The following ZBTB41 variants were observed in gnomAD, a reference collection of about 807,000 sequenced individuals.
ZBTB41 encodes the protein zinc finger and BTB domain containing 41.
A neutral mutation model predicts 87.6 loss-of-function variants in ZBTB41; 42 were observed. The observed-to-expected ratio is 0.48, with a 90% CI of 0.37 to 0.62. ZBTB41 has a LOEUF of 0.62. Among genes scored for constraint, ZBTB41 ranks in the 20% least tolerant of loss-of-function variants. The pLI is 0.00. For synonymous variants in ZBTB41, 364 were observed against 364.0 expected, an observed-to-expected ratio of 1.00 and a Z score of 0.00; for missense variants, 799 against 1,078.9, an observed-to-expected ratio of 0.74 and a Z score of 3.63.
chr1:197,168,218 C>G (rs146120830), intron 10 of ZBTB41, among the ~76,000 whole-genome samples: 55 of 151,944 alleles, frequency 3.6e-4, no homozygotes, highest in Non-Finnish European at 5.7e-4. Context: ...GATAGCTACA[C>G]TAAAAACTAC....
At chr1:197,170,196 G>A (rs964125915) in intron 10 of ZBTB41, among the ~76,000 whole-genome samples, 4 of 151,496 alleles carry the variant, frequency 2.6e-5, no homozygotes, top group African/African-American at 9.7e-5. Flanking sequence ...AGGAAATCTA[G>A]TTAAGGAAAT....
Position 197,158,171 on chromosome 1 carries a change from C to T in ZBTB41, c.*1188G>A, listed in dbSNP as rs781074124. The T allele has an allele frequency of 2.9e-3, 438 of 152,360 alleles. 2 individuals carry two copies. Among genetic ancestry groups the T allele is most frequent in the Non-Finnish European group, 3.1e-3 (212 of 67,842 alleles). The allele number at this position is 152,360 out of a possible 1,614,324, so 9.4% of individuals were successfully genotyped here. A position where few individuals can be genotyped will look rare whatever the true frequency, so the allele number is the denominator to read the frequency against. On this transcript the variant is annotated 3_prime_UTR_variant, in exon 11 of 11. Transcript: ENST00000367405. ...CTCAATTGTAATCACTGAGGTTTTG[C>T]TGTAACTGCTATTTCCTTTCACCAA...
intron 2 of ZBTB41, among the ~76,000 whole-genome samples, chr1:197,196,077 T>C (rs180789729): frequency 1.5e-4 from 23 of 152,132 alleles, no homozygotes; most frequent in Non-Finnish European, 3.2e-4. Flanking sequence ...AAGTGCTTAC[T>C]AAAAATTTAT....
At chr1:197,195,045 A>G (rs973000277) in intron 2 of ZBTB41, among the ~76,000 whole-genome samples, 7 of 152,226 alleles carry the variant, frequency 4.6e-5, no homozygotes, top group Admixed American at 1.3e-4. Context: ...CAGCACAAAC[A>G]GTAAACATCT....
intron 10 of ZBTB41, among the ~76,000 whole-genome samples, chr1:197,161,590 CA>C (rs1659199877): frequency 7.3e-6 from 1 of 137,422 alleles, no homozygotes; most frequent in Non-Finnish European, 1.6e-5. Flanking sequence ...TTACTGATGT[CA>C]TTAGAGAGGC....
chr1:197,170,314 T>C (rs369486496), intron 10 of ZBTB41, among the ~76,000 whole-genome samples: 9 of 151,862 alleles, frequency 5.9e-5, no homozygotes, highest in African/African-American at 2.2e-4. Context: ...GCTATGAGGG[T>C]AAGGATGGTT....
chr1:197,170,403 T>C (rs1177596983), intron 10 of ZBTB41, among the ~76,000 whole-genome samples: 1 of 152,028 alleles, frequency 6.6e-6, no homozygotes, highest in African/African-American at 2.4e-5. Flanking sequence ...CATTTGGCAA[T>C]TTTCCTTCTG....
At chr1:197,194,397 G>A (rs972729166) in intron 2 of ZBTB41, among the ~76,000 whole-genome samples, 2 of 152,008 alleles carry the variant, frequency 1.3e-5, no homozygotes, top group African/African-American at 4.8e-5. Flanking sequence ...TCATTTACTT[G>A]CTATGAAAAT....
chr1:197,187,186 CCT>C lies in ZBTB41; in HGVS notation c.1546+1104_1546+1105del, dbSNP rs140465462. Reference sequence around the variant, plus strand: ...TATACTCTTACCATCTGATCCAGCCCCTGTTTTCCAAGGTATTTAACCAAAGG... The same window carrying C: ...TATACTCTTACCATCTGATCCAGCCCGTTTTCCAAGGTATTTAACCAAAGG... On this transcript the variant is annotated intron_variant, in intron 5 of 10. Coordinates refer to ENST00000367405, the MANE Select transcript of ZBTB41 (RefSeq NM_194314.3). Among the ~76,000 whole-genome samples, 417 of 152,282 alleles carry C rather than the reference CCT, an allele frequency of 2.7e-3. 2 individuals carry two copies. The highest frequency in any genetic ancestry group is 9.0e-3 in the African/African-American group (376 of 41,548).
rs116148730 is a variant in ZBTB41, at chr1:197,156,297, T to A, written c.*3062A>T. On this transcript the variant is annotated 3_prime_UTR_variant, in exon 11 of 11. Transcript: ENST00000367405. ...AAGCAAGAAAGAATTTAAAGTCTTT[T>A]AAACTATTTAATACCTACTAAAAAT... 2 of 152,192 alleles carry A rather than the reference T, an allele frequency of 1.3e-5. No homozygotes were observed. Among genetic ancestry groups the A allele is most frequent in the African/African-American group, 4.8e-5 (2 of 41,414 alleles). The allele number at this position is 152,192 out of a possible 1,614,324, so 9.4% of individuals were successfully genotyped here. A position where few individuals can be genotyped will look rare whatever the true frequency, so the allele number is the denominator to read the frequency against.
In ZBTB41 at chr1:197,188,182, T is replaced by C. The variant is rs1659932115; in HGVS notation, c.1546+110A>G. 4.5e-6 allele frequency: 6 copies of C among 1,342,474 alleles called. No homozygotes were observed. The South Asian group carries it at 7.8e-5, about 18-fold the overall frequency. 83.2% of individuals were successfully genotyped at this position (1,342,474 alleles called of 1,614,324 possible). The stretch of plus-strand genomic sequence containing the variant: ...TTTTGCTGTGAACCTAAAACCACTC[T>C]TAAAAAGTCTTTTAGAAGAAAAAGA... On this transcript the variant is annotated intron_variant, in intron 5 of 10. Coordinates refer to ENST00000367405, the MANE Select transcript of ZBTB41 (RefSeq NM_194314.3).
Position 197,182,933 on chromosome 1 carries a change from C to T in ZBTB41, c.1547-1816G>A, listed in dbSNP as rs564672878. Among the ~76,000 whole-genome samples the T allele has an allele frequency of 3.5e-4, 53 of 152,126 alleles. 1 individual carries two copies. In the South Asian group the frequency reaches 8.7e-3, roughly 25 times the overall value. On this transcript the variant is annotated intron_variant, in intron 5 of 10. Coordinates refer to ENST00000367405, the MANE Select transcript of ZBTB41 (RefSeq NM_194314.3). ...GGTCTCCAGGTGCTTGTGATATATACCAAACTGCATGAAGCACTTATCTGA... is the reference window on the plus strand; with the variant it reads ...GGTCTCCAGGTGCTTGTGATATATATCAAACTGCATGAAGCACTTATCTGA...
At chr1:197,167,539 A>G (rs1430052957) in intron 10 of ZBTB41, among the ~76,000 whole-genome samples, 2 of 152,176 alleles carry the variant, frequency 1.3e-5, no homozygotes, top group Non-Finnish European at 2.9e-5. Context: ...CATGAACAGG[A>G]TAAACAAGAT....
chr1:197,198,746 C>A (rs757088411), intron 2 of ZBTB41, among the ~76,000 whole-genome samples: 1 of 152,102 alleles, frequency 6.6e-6, no homozygotes, highest in Non-Finnish European at 1.5e-5. Context: ...ATTATAACAA[C>A]CAAAGCTTCT....
At position 197,196,846 on chromosome 1, in the gene ZBTB41, C is replaced by T. The variant is rs186992376; in HGVS notation, c.1120+2508G>A. Among the ~76,000 whole-genome samples, 182 of 152,266 alleles carry T rather than the reference C, an allele frequency of 1.2e-3. 2 individuals are homozygous for T. Among genetic ancestry groups the T allele is most frequent in the Non-Finnish European group, 6.3e-4 (43 of 68,022 alleles). On this transcript the variant is annotated intron_variant, in intron 2 of 10. Transcript: ENST00000367405. ...CCTTTGCACATGCTGGTCCTTCTGT[C>T]TTGTAAACTGTTCCCTATTCTTTGA...
chr1:197,200,770 C>T (rs1652742798), intron 1 of ZBTB41, among the ~76,000 whole-genome samples, 180 bp from the exon 2 acceptor site: 1 of 152,168 alleles, frequency 6.6e-6, no homozygotes, highest in South Asian at 2.1e-4. Flanking sequence ...TTAGAAAAGG[C>T]AGCCAACAAA....
intron 10 of ZBTB41, among the ~76,000 whole-genome samples, chr1:197,160,762 T>C: frequency 6.6e-6 from 1 of 152,140 alleles, no homozygotes. Context: ...ACTTATGTGG[T>C]AAAAGAGACT....
intron 9 of ZBTB41, among the ~76,000 whole-genome samples, chr1:197,173,903 T>C (rs1174939348): frequency 6.6e-6 from 1 of 152,058 alleles, no homozygotes; most frequent in East Asian, 1.9e-4. Context: ...GATACGATAA[T>C]AAGTGCTACT....
chr1:197,178,821 T>C (rs1327953172), intron 6 of ZBTB41, among the ~76,000 whole-genome samples: 1 of 152,152 alleles, frequency 6.6e-6, no homozygotes, highest in African/African-American at 2.4e-5. Flanking sequence ...CTGAATTAAG[T>C]TGATGTGAAT....
Sources: gnomAD v4.1 joint callset for allele counts (sites outside exome capture counted in the v4.1 genomes callset) on GRCh38, gnomAD v4.1.1 for gene constraint, MANE v1.5 for transcripts, NCBI Gene and HGNC (gene_info 2026-07-23, HGNC 2026-07-21) for gene names.